The following CAST variants were observed in gnomAD, a reference collection of about 807,000 sequenced individuals.
CAST encodes calpastatin, also known as MIR583 host.
In CAST, 76 loss-of-function variants were observed where a neutral mutation model predicts 119.6. That is an observed-to-expected ratio of 0.64 (90% CI 0.53 to 0.77). The LOEUF (loss-of-function observed/expected upper bound fraction) is 0.77. Among genes scored for constraint, CAST ranks in the 30% least tolerant of loss-of-function variants. The pLI is 0.00. For synonymous variants in CAST, 319 were observed against 331.6 expected (o/e 0.96, Z 0.41); for missense variants, 953 against 946.5 (o/e 1.01, Z -0.09).
intron 9 of CAST, among the ~76,000 whole-genome samples, chr5:96,733,543 G>A (rs149711513): frequency 9.4e-4 from 143 of 152,306 alleles, no homozygotes; most frequent in African/African-American, 3.2e-3. Context: ...GGAACTTGCA[G>A]CAAGTCATTT....
At chr5:96,131,878 T>G in the CAST span, among the ~76,000 whole-genome samples, 1 of 152,066 alleles carries the variant, frequency 6.6e-6, no homozygotes, top group Non-Finnish European at 1.5e-5. Context: ...TCGATTCAGG[T>G]GATGTTGGCA....
chr5:96,480,628 A>G, the CAST span, among the ~76,000 whole-genome samples: 7 of 152,312 alleles, frequency 4.6e-5, no homozygotes, highest in South Asian at 1.5e-3. Context: ...TCTGAGCAAG[A>G]ATTACATGTA....
the CAST span, among the ~76,000 whole-genome samples, chr5:96,344,993 G>A: frequency 1.1e-4 from 16 of 152,262 alleles, no homozygotes; most frequent in Non-Finnish European, 2.1e-4. Context: ...CCCTTCTGCT[G>A]CTCTACTCTG....
At chr5:96,702,893 G>A (rs1754136921) in intron 3 of CAST, 6 of 985,424 alleles carry the variant, frequency 6.1e-6, no homozygotes, top group Admixed American at 6.1e-5. Context: ...GCCGAGGACT[G>A]CGGGGTCCGG....
intron 1 of CAST, among the ~76,000 whole-genome samples, chr5:96,632,135 A>G (rs1580853570): frequency 1.3e-5 from 2 of 151,694 alleles, no homozygotes; most frequent in South Asian, 4.1e-4. Flanking sequence ...TCATTTGTAT[A>G]GTATATATTC....
rs75131491 is a variant in CAST at position 96,633,339 on chromosome 5, A to G, written c.61-42200A>G. Among the ~76,000 whole-genome samples, 89 of 152,292 alleles carry G rather than the reference A, an allele frequency of 5.8e-4. 1 individual carries two copies. The highest frequency in any genetic ancestry group is 1.1e-3 in the Non-Finnish European group (74 of 68,036). ...CAATAGCATCTCTTCCAATCCATGAACACAATATGTTTTTCCATGTATTTA... is the reference window on the plus strand; with the variant it reads ...CAATAGCATCTCTTCCAATCCATGAGCACAATATGTTTTTCCATGTATTTA... On this transcript the variant is annotated intron_variant, in intron 1 of 11. Coordinates refer to the CAST transcript ENST00000505143.
At chr5:96,301,920 C>G in the CAST span, among the ~76,000 whole-genome samples, 1 of 152,140 alleles carries the variant, frequency 6.6e-6, no homozygotes, top group Non-Finnish European at 1.5e-5. Context: ...TTCATAGCTC[C>G]GCTAGGCATT....
the CAST span, among the ~76,000 whole-genome samples, chr5:96,404,121 TAGTATATTTATCTCCA>T: frequency 6.6e-6 from 1 of 152,196 alleles, no homozygotes; most frequent in Non-Finnish European, 1.5e-5. Context: ...CTTCTTCTCT[TAGTATATTTATCTCCA>T]AGATACACCT....
intron 3 of CAST, among the ~76,000 whole-genome samples, chr5:96,701,245 A>G (rs1031040066): frequency 3.3e-5 from 5 of 152,154 alleles, no homozygotes; most frequent in African/African-American, 1.2e-4. Context: ...TTGTTTTATA[A>G]CCATGTGATT....
chr5:96,091,349 C>T, the CAST span, among the ~76,000 whole-genome samples: 238 of 150,890 alleles, frequency 1.6e-3, 2 homozygotes, highest in South Asian at 0.029. Flanking sequence ...ATTACAGTCA[C>T]GCGCCACCAT....
At chr5:96,373,838 T>TGG in the CAST span, among the ~76,000 whole-genome samples, 29 of 152,032 alleles carry the variant, frequency 1.9e-4, no homozygotes, top group Non-Finnish European at 3.5e-4. Flanking sequence ...CTCGAGCTCC[T>TGG]GGGGCTCAAG....
chr5:96,702,734 C>T (rs567192851), intron 3 of CAST: 4 of 980,972 alleles, frequency 4.1e-6, no homozygotes, highest in Admixed American at 6.1e-5. Flanking sequence ...GCTCCCGGGG[C>T]GGGGCCGCCG....
At chr5:96,330,532 C>A in the CAST span, among the ~76,000 whole-genome samples, 16 of 152,268 alleles carry the variant, frequency 1.1e-4, no homozygotes, top group East Asian at 2.5e-3. Flanking sequence ...TTCTTCTCAC[C>A]CCTTTTTCCC....
At chr5:96,760,037 C>T (rs990087473) in intron 24 of CAST, among the ~76,000 whole-genome samples, 3 of 151,998 alleles carry the variant, frequency 2.0e-5, no homozygotes, top group African/African-American at 7.2e-5. Flanking sequence ...TGTCCTTCTA[C>T]TGAAGGTTTA....
At chr5:96,161,639 C>T in the CAST span, among the ~76,000 whole-genome samples, 2 of 152,122 alleles carry the variant, frequency 1.3e-5, no homozygotes, top group Non-Finnish European at 2.9e-5. Context: ...GATCACCTTG[C>T]CAATTTCTAC....
intron 3 of CAST, among the ~76,000 whole-genome samples, chr5:96,698,908 T>C (rs2150311481): frequency 6.6e-6 from 1 of 152,316 alleles, no homozygotes; most frequent in African/African-American, 2.4e-5. Flanking sequence ...TTGAAGCATA[T>C]GTGTAAGCTA....
At chr5:96,322,695 C>T in the CAST span, among the ~76,000 whole-genome samples, 1 of 152,112 alleles carries the variant, frequency 6.6e-6, no homozygotes, top group African/African-American at 2.4e-5. Context: ...GAAAGAGACC[C>T]CATTGTTTGC....
chr5:96,074,027 A>G, the CAST span, among the ~76,000 whole-genome samples: 1 of 152,182 alleles, frequency 6.6e-6, no homozygotes. Flanking sequence ...AAGCTAGGCT[A>G]ATCACATTCT....
chr5:96,739,957 G>A (rs1002613067), intron 11 of CAST, 81 bp from the exon 12 acceptor site: 1 of 692,246 alleles, frequency 1.4e-6, no homozygotes, highest in Non-Finnish European at 2.5e-6. Context: ...TAATGGAATA[G>A]TGCTTTAGTT....
Sources: allele counts gnomAD v4.1 joint callset (sites outside exome capture counted in the v4.1 genomes callset), GRCh38; gene constraint gnomAD v4.1.1; transcripts MANE v1.5; gene names NCBI Gene and HGNC (gene_info 2026-07-23, HGNC 2026-07-21).